The following CCDC141 variants were observed in gnomAD, a reference collection of about 807,000 sequenced individuals.
CCDC141 encodes coiled-coil domain-containing protein 141.
In CCDC141, 168 loss-of-function variants were observed where a neutral mutation model predicts 181.0. That is an observed-to-expected ratio of 0.93 (90% confidence interval 0.82 to 1.05). The LOEUF is 1.05. Ranked by LOEUF, CCDC141 falls within the 50% of genes least tolerant of loss-of-function variation. CCDC141 has a pLI of 0.00. For missense variants in CCDC141, 1,902 were observed against 1,788.5 expected (o/e 1.06, Z -1.14); for synonymous variants, 666 against 642.3 (o/e 1.04, Z -0.56).
chr2:178,827,983 T>C (rs1371884118), downstream of CCDC141, among the ~76,000 whole-genome samples: 1 of 152,144 alleles, frequency 6.6e-6, no homozygotes, highest in African/African-American at 2.4e-5. Context: ...CACCTTGGCT[T>C]ATAGCAGCTG....
intron 3 of CCDC141, among the ~76,000 whole-genome samples, chr2:178,976,355 T>C (rs955752470): frequency 6.6e-6 from 1 of 152,194 alleles, no homozygotes; most frequent in African/African-American, 2.4e-5. Flanking sequence ...ATTTTTGAAT[T>C]TGGGGATTCT....
the CCDC141 span, among the ~76,000 whole-genome samples, chr2:178,821,764 T>C: frequency 2.6e-5 from 4 of 151,984 alleles, no homozygotes; most frequent in Non-Finnish European, 5.9e-5. Context: ...AAACAACAGG[T>C]GCTGGAGAGG....
At chr2:178,993,394 C>T (rs1160081748) in intron 2 of CCDC141, among the ~76,000 whole-genome samples, 1 of 152,102 alleles carries the variant, frequency 6.6e-6, no homozygotes, top group Non-Finnish European at 1.5e-5. Flanking sequence ...GTGGATAGTG[C>T]CAGGCAAAGA....
intron 2 of CCDC141, among the ~76,000 whole-genome samples, chr2:179,045,470 C>T (rs1156558701): frequency 6.6e-6 from 1 of 152,154 alleles, no homozygotes; most frequent in East Asian, 1.9e-4. Flanking sequence ...CTGCAATAAA[C>T]ATACGTGTGC....
intron 2 of CCDC141, among the ~76,000 whole-genome samples, chr2:178,982,524 G>A (rs998236544): frequency 1.4e-4 from 22 of 152,198 alleles, no homozygotes; most frequent in African/African-American, 4.1e-4. Flanking sequence ...CGCAGAAGAC[G>A]GGTGATTTCT....
rs1371755251 is a variant in CCDC141 at position 178,831,683 on chromosome 2, A to T, written c.*2490T>A. The T allele has an allele frequency of 6.6e-6, 1 of 152,234 alleles. No individual in the cohort carries two copies. The highest frequency in any genetic ancestry group is 1.5e-5 in the Non-Finnish European group (1 of 68,044). 9.4% of individuals were successfully genotyped at this position (152,234 alleles called of 1,614,324 possible). On this transcript the variant is annotated 3_prime_UTR_variant, in exon 24 of 24. Coordinates refer to ENST00000443758, the MANE Select transcript of CCDC141 (RefSeq NM_173648.4). ...AAATCCCAGCAAAAAGGAAAATCAC[A>T]CTTAACTTTTTGAAATTAAAACATA...
chr2:178,903,858 T>C (rs1323818778), intron 8 of CCDC141, among the ~76,000 whole-genome samples: 1 of 152,108 alleles, frequency 6.6e-6, no homozygotes, highest in African/African-American at 2.4e-5. Flanking sequence ...ATAACATCTG[T>C]CTGTGCTTTG....
At position 178,869,180 on chromosome 2, in the gene CCDC141, CTCTT is replaced by C. The variant is rs772238538; in HGVS notation, c.2327_2330del (p.Lys776ArgfsTer35). ...GGATATCCTCGTAATCCTGGATTCTCTCTTTCTGTTTTTGATGGAAGTGAATAAG... is the reference window on the plus strand; with the variant it reads ...GGATATCCTCGTAATCCTGGATTCTCTCTGTTTTTGATGGAAGTGAATAAG... On this transcript the variant is annotated frameshift_variant, in exon 15 of 24. Coordinates refer to ENST00000443758, the MANE Select transcript of CCDC141 (RefSeq NM_173648.4). LOFTEE classifies it high-confidence loss of function. 3.7e-6 allele frequency: 6 copies of C among 1,613,534 alleles called. No homozygotes were observed. Among genetic ancestry groups the C allele is most frequent in the Middle Eastern group, 1.6e-4 (1 of 6,080 alleles).
intron 2 of CCDC141, among the ~76,000 whole-genome samples, chr2:178,981,146 T>C (rs1291798625): frequency 1.3e-5 from 2 of 152,190 alleles, no homozygotes; most frequent in African/African-American, 2.4e-5. Flanking sequence ...AAATATACTA[T>C]AATAGAGACT....
intron 4 of CCDC141, among the ~76,000 whole-genome samples, chr2:178,966,329 C>A (rs923264362): frequency 6.6e-6 from 1 of 152,196 alleles, no homozygotes; most frequent in Non-Finnish European, 1.5e-5. Context: ...CTGGGAGACA[C>A]CTCCCAGTAG....
intron 5 of CCDC141, among the ~76,000 whole-genome samples, chr2:178,949,771 C>A (rs1689875416): frequency 6.6e-6 from 1 of 152,084 alleles, no homozygotes; most frequent in Non-Finnish European, 1.5e-5. Flanking sequence ...CAAGAGCAGG[C>A]TGAGAATTTC....
At chr2:178,999,809 C>T (rs546238995) in intron 2 of CCDC141, among the ~76,000 whole-genome samples, 7 of 152,168 alleles carry the variant, frequency 4.6e-5, no homozygotes, top group South Asian at 2.1e-4. Context: ...CATCATCCTT[C>T]GCAACACTAT....
chr2:178,980,699 A>G (rs948173177), intron 2 of CCDC141, among the ~76,000 whole-genome samples: 5 of 152,244 alleles, frequency 3.3e-5, no homozygotes, highest in African/African-American at 1.2e-4. Context: ...CTCCAAATAT[A>G]AAGGCAGAGG....
At chr2:178,900,848 A>C (rs1035317177) in intron 8 of CCDC141, among the ~76,000 whole-genome samples, 1 of 152,174 alleles carries the variant, frequency 6.6e-6, no homozygotes, top group Non-Finnish European at 1.5e-5. Context: ...CTAGAAAAAC[A>C]AGTACATGAG....
chr2:179,024,461 T>C (rs79808481), intron 2 of CCDC141, among the ~76,000 whole-genome samples: 284 of 152,334 alleles, frequency 1.9e-3, no homozygotes, highest in South Asian at 3.3e-3. Flanking sequence ...AGCATGGTGC[T>C]AGGCTCTATG....
At chr2:179,014,355 G>A (rs1297130451) in intron 2 of CCDC141, among the ~76,000 whole-genome samples, 2 of 152,094 alleles carry the variant, frequency 1.3e-5, no homozygotes, top group South Asian at 2.1e-4. Context: ...CTAGACATTT[G>A]CTTACGTAAG....
intron 2 of CCDC141, among the ~76,000 whole-genome samples, chr2:178,984,315 G>A (rs957700825): frequency 1.3e-5 from 2 of 151,046 alleles, no homozygotes; most frequent in African/African-American, 4.9e-5. Flanking sequence ...CCTGAAGGAA[G>A]CACTAAACAT....
At chr2:179,005,378 A>G (rs966625816) in intron 2 of CCDC141, among the ~76,000 whole-genome samples, 2 of 152,240 alleles carry the variant, frequency 1.3e-5, no homozygotes, top group African/African-American at 4.8e-5. Context: ...AATAGTTTTA[A>G]AATACGTTAT....
chr2:178,819,505 A>G, the CCDC141 span, among the ~76,000 whole-genome samples: 1 of 152,202 alleles, frequency 6.6e-6, no homozygotes, highest in Non-Finnish European at 1.5e-5. Flanking sequence ...GCTGGATTTT[A>G]TTTTCTGAAT....
Sources: gnomAD v4.1 joint callset for allele counts (sites outside exome capture counted in the v4.1 genomes callset) on GRCh38, gnomAD v4.1.1 for gene constraint, MANE v1.5 for transcripts, NCBI Gene and HGNC (gene_info 2026-07-23, HGNC 2026-07-21) for gene names.